The following LHFPL3 variants were observed in gnomAD, a reference collection of about 807,000 sequenced individuals.
LHFPL3 encodes LHFPL tetraspan subfamily member 3 protein.
LHFPL3 carries 5 observed loss-of-function variants against 19.3 expected under a neutral mutation model. The observed-to-expected ratio is 0.26, with a 90% CI of 0.14 to 0.54. The LOEUF (loss-of-function observed/expected upper bound fraction) is 0.54, where lower values mean the gene tolerates loss of function less well. Among genes scored for constraint, LHFPL3 ranks in the 20% least tolerant of loss-of-function variants. The probability of loss-of-function intolerance (pLI) is 0.94; values close to 1 mark genes in which losing one functional copy is unlikely to be tolerated. For missense variants in LHFPL3, 249 were observed against 307.4 expected, an observed-to-expected ratio of 0.81 and a Z score of 1.42; for synonymous variants, 133 against 126.2, an observed-to-expected ratio of 1.05 and a Z score of -0.36.
intron 1 of LHFPL3, among the ~76,000 whole-genome samples, chr7:104,449,969 A>G (rs7806966): frequency 0.23 from 35,322 of 151,846 alleles, 4,679 homozygotes; most frequent in African/African-American, 0.37. Flanking sequence ...GCTTTCCCCA[A>G]CTCATACCAC....
intron 1 of LHFPL3, among the ~76,000 whole-genome samples, chr7:104,519,029 T>C (rs1210391456): frequency 6.6e-6 from 1 of 151,812 alleles, no homozygotes; most frequent in African/African-American, 2.4e-5. Context: ...TAGAGCTTTC[T>C]CTTCTCTTCT....
chr7:104,330,090 A>G (rs75076974), intron 1 of LHFPL3, among the ~76,000 whole-genome samples: 1 of 152,266 alleles, frequency 6.6e-6, no homozygotes, highest in Non-Finnish European at 1.5e-5. Context: ...CTGTGCATCA[A>G]AGTTACTTTT....
intron 1 of LHFPL3, among the ~76,000 whole-genome samples, chr7:104,626,176 A>G (rs1344068698): frequency 6.6e-6 from 1 of 152,180 alleles, no homozygotes; most frequent in African/African-American, 2.4e-5. Context: ...TATTTTAGAC[A>G]TGAGTGCCTG....
chr7:104,345,098 A>T (rs1790037877), intron 1 of LHFPL3, among the ~76,000 whole-genome samples: 1 of 152,302 alleles, frequency 6.6e-6, no homozygotes, highest in South Asian at 2.1e-4. Flanking sequence ...TTATAGAATC[A>T]TCTAGGCTTT....
intron 1 of LHFPL3, among the ~76,000 whole-genome samples, chr7:104,584,387 A>T (rs1790522909): frequency 1.3e-5 from 2 of 152,170 alleles, no homozygotes; most frequent in African/African-American, 4.8e-5. Context: ...GCAGCACACC[A>T]ACATGGCACA....
intron 1 of LHFPL3, among the ~76,000 whole-genome samples, chr7:104,561,570 G>A (rs1790004464): frequency 6.6e-6 from 1 of 151,954 alleles, no homozygotes; most frequent in South Asian, 2.1e-4. Context: ...TTGAGCCTAT[G>A]TGTGTCTCTG....
intron 2 of LHFPL3, among the ~76,000 whole-genome samples, chr7:104,813,149 A>C (rs576033401): frequency 2.0e-5 from 3 of 151,910 alleles, no homozygotes; most frequent in African/African-American, 7.3e-5. Context: ...GTGAGAGTGC[A>C]CAACTGTGGT....
chr7:104,740,456 T>A (rs1793912681), intron 2 of LHFPL3, among the ~76,000 whole-genome samples: 1 of 152,210 alleles, frequency 6.6e-6, no homozygotes, highest in Non-Finnish European at 1.5e-5. Context: ...AGCAACACAC[T>A]TCCCCATTTA....
intron 1 of LHFPL3, among the ~76,000 whole-genome samples, chr7:104,353,765 G>C (rs1447353477): frequency 6.6e-6 from 1 of 151,898 alleles, no homozygotes; most frequent in African/African-American, 2.4e-5. Flanking sequence ...GTGTAGTTCT[G>C]GGCACTTTAT....
intron 1 of LHFPL3, among the ~76,000 whole-genome samples, chr7:104,391,135 G>C (rs1363695014): frequency 6.6e-6 from 1 of 152,084 alleles, no homozygotes; most frequent in Non-Finnish European, 1.5e-5. Flanking sequence ...TCTGTAGTTT[G>C]CCTGTTCACT....
At chr7:104,627,025 T>C (rs1791557722) in intron 1 of LHFPL3, among the ~76,000 whole-genome samples, 1 of 152,230 alleles carries the variant, frequency 6.6e-6, no homozygotes, top group Non-Finnish European at 1.5e-5. Flanking sequence ...TTTAAGTATA[T>C]AATACGTTAT....
chr7:104,331,135 T>A (rs1468386941), intron 1 of LHFPL3, among the ~76,000 whole-genome samples: 1 of 152,240 alleles, frequency 6.6e-6, no homozygotes, highest in East Asian at 1.9e-4. Flanking sequence ...TTGAAGTTAA[T>A]ACAAACTGCA....
chr7:104,757,129 T>C (rs1415809129), intron 2 of LHFPL3, among the ~76,000 whole-genome samples: 1 of 152,154 alleles, frequency 6.6e-6, no homozygotes, highest in Non-Finnish European at 1.5e-5. Flanking sequence ...ATTTAATAAA[T>C]AGTGCTGGGA....
intron 1 of LHFPL3, among the ~76,000 whole-genome samples, chr7:104,685,733 T>C (rs991311941): frequency 1.3e-5 from 2 of 152,208 alleles, no homozygotes; most frequent in African/African-American, 2.4e-5. Context: ...CAACAAGGGA[T>C]GTTTACCTTG....
At chr7:104,679,911 C>T (rs1388761976) in intron 1 of LHFPL3, among the ~76,000 whole-genome samples, 3 of 152,174 alleles carry the variant, frequency 2.0e-5, no homozygotes, top group Admixed American at 1.3e-4. Flanking sequence ...TTTGAAATAA[C>T]TCCTTGCCCC....
chr7:104,405,768 G>A (rs1450676108), intron 1 of LHFPL3, among the ~76,000 whole-genome samples: 1 of 152,134 alleles, frequency 6.6e-6, no homozygotes, highest in African/African-American at 2.4e-5. Context: ...GGGAAAAACA[G>A]AGCATTTAAA....
chr7:104,668,179 T>A (rs1489391309), intron 1 of LHFPL3: 32 of 1,613,818 alleles, frequency 2.0e-5, no homozygotes, highest in Non-Finnish European at 2.6e-5. Flanking sequence ...TATGCTGAAT[T>A]TGAGGACCTG....
chr7:104,434,706 G>A (rs1792069125), intron 1 of LHFPL3, among the ~76,000 whole-genome samples: 1 of 152,136 alleles, frequency 6.6e-6, no homozygotes, highest in Admixed American at 6.5e-5. Flanking sequence ...CAGCTAGTGT[G>A]CAAATAGATT....
intron 1 of LHFPL3, among the ~76,000 whole-genome samples, chr7:104,382,944 C>CTTAAAGGTCTTTAAATTACTTTACTG (rs71153192): frequency 6.6e-6 from 1 of 151,788 alleles, no homozygotes; most frequent in African/African-American, 2.4e-5. Context: ...GCCAGTCACT[C>CTTAAAGGTCTTTAAATTACTTTACTG]TTCACAGTAG....
Sources: gnomAD v4.1 joint callset for allele counts (sites outside exome capture counted in the v4.1 genomes callset) on GRCh38, gnomAD v4.1.1 for gene constraint, MANE v1.5 for transcripts, NCBI Gene and HGNC (gene_info 2026-07-23, HGNC 2026-07-21) for gene names.